Variants in SLC25A12 observed in about 807,000 individuals in gnomAD.
SLC25A12 encodes the protein electrogenic aspartate/glutamate antiporter SLC25A12, mitochondrial.
Under a neutral mutation model 83.3 loss-of-function variants are expected in SLC25A12, and 32 were observed. The ratio of observed to expected loss-of-function variants is 0.38; its 90% CI spans 0.29 to 0.52. The LOEUF (loss-of-function observed/expected upper bound fraction) is 0.52. Among genes scored for constraint, SLC25A12 ranks in the 20% least tolerant of loss-of-function variants. The probability of loss-of-function intolerance (pLI) is 0.84; values close to 1 mark genes in which losing one functional copy is unlikely to be tolerated. For missense variants in SLC25A12, 611 were observed against 835.6 expected (o/e 0.73, Z 3.31); for synonymous variants, 267 against 291.1 (o/e 0.92, Z 0.84).
chr2:171,891,740 G>A (rs1247771982), intron 2 of SLC25A12, among the ~76,000 whole-genome samples: 2 of 152,110 alleles, frequency 1.3e-5, no homozygotes, highest in Non-Finnish European at 2.9e-5. Flanking sequence ...GGTGAATACC[G>A]ATATATTTTT....
chr2:171,874,524 C>T (rs987753774), intron 2 of SLC25A12, among the ~76,000 whole-genome samples: 2 of 152,190 alleles, frequency 1.3e-5, no homozygotes, highest in African/African-American at 4.8e-5. Flanking sequence ...CACATGAAAA[C>T]ATTTCAGAGA....
intron 4 of SLC25A12, among the ~76,000 whole-genome samples, chr2:171,849,143 T>C (rs529105370): frequency 7.9e-5 from 12 of 151,672 alleles, no homozygotes; most frequent in African/African-American, 2.7e-4. Context: ...TGAGCCGAGA[T>C]CACACCACTG....
intron 4 of SLC25A12, among the ~76,000 whole-genome samples, chr2:171,851,104 A>G (rs550973307): frequency 1.3e-5 from 2 of 152,174 alleles, no homozygotes; most frequent in African/African-American, 4.8e-5. Flanking sequence ...TTGGAACACA[A>G]TGTTGATGTT....
At chr2:171,858,694 T>C (rs369257935) in intron 3 of SLC25A12, among the ~76,000 whole-genome samples, 5 of 152,320 alleles carry the variant, frequency 3.3e-5, no homozygotes, top group African/African-American at 1.2e-4. Context: ...TCTGGTTTAT[T>C]TTGATAAACT....
intron 6 of SLC25A12, among the ~76,000 whole-genome samples, chr2:171,835,431 C>G (rs1181445717): frequency 1.3e-5 from 2 of 152,050 alleles, no homozygotes; most frequent in South Asian, 2.1e-4. Flanking sequence ...ATCAAAAACT[C>G]CAAAAAATGT....
chr2:171,884,011 C>T (rs951450450), intron 2 of SLC25A12, among the ~76,000 whole-genome samples: 2 of 151,848 alleles, frequency 1.3e-5, no homozygotes, highest in African/African-American at 4.8e-5. Flanking sequence ...CAAGCACAGG[C>T]CACCATGCCT....
chr2:171,798,587 T>C (rs6758704), intron 13 of SLC25A12, among the ~76,000 whole-genome samples: 43,771 of 152,024 alleles, frequency 0.29, 6,582 homozygotes, highest in African/African-American at 0.37. Context: ...AATAACCAGA[T>C]AAACAGTAAA....
chr2:171,892,982 T>C (rs554210931), intron 2 of SLC25A12, among the ~76,000 whole-genome samples: 2 of 148,486 alleles, frequency 1.3e-5, no homozygotes, highest in East Asian at 3.9e-4. Context: ...TTAAGTCATG[T>C]AAAAAAAAAA....
intron 4 of SLC25A12, among the ~76,000 whole-genome samples, chr2:171,847,902 G>C (rs1207770504): frequency 1.4e-5 from 2 of 139,820 alleles, no homozygotes; most frequent in Non-Finnish European, 3.3e-5. Context: ...TGATTTGTCA[G>C]GAGAGCAGGT....
chr2:171,827,496 A>C (rs3821095), intron 8 of SLC25A12, among the ~76,000 whole-genome samples: 7 of 151,800 alleles, frequency 4.6e-5, no homozygotes, highest in Admixed American at 2.6e-4. Context: ...TCAGCCTCCA[A>C]TTGATCACGG....
chr2:171,831,830 C>T (rs751499467), intron 8 of SLC25A12, among the ~76,000 whole-genome samples: 4 of 150,816 alleles, frequency 2.7e-5, no homozygotes, highest in African/African-American at 4.9e-5. Flanking sequence ...ACCCAGGAGG[C>T]GGAGGTTGCA....
intron 8 of SLC25A12, among the ~76,000 whole-genome samples, chr2:171,832,624 A>C (rs1684466680): frequency 6.6e-6 from 1 of 152,176 alleles, no homozygotes; most frequent in Non-Finnish European, 1.5e-5. Context: ...CATCCAACTC[A>C]TACCCCTTTT....
At chr2:171,829,227 T>G (rs944250466) in intron 8 of SLC25A12, among the ~76,000 whole-genome samples, 2 of 152,114 alleles carry the variant, frequency 1.3e-5, no homozygotes, top group Non-Finnish European at 2.9e-5. Context: ...TCAATGGAAG[T>G]CTTAATTACA....
At chr2:171,828,191 ACT>A (rs1684352103) in intron 8 of SLC25A12, among the ~76,000 whole-genome samples, 1 of 152,136 alleles carries the variant, frequency 6.6e-6, no homozygotes, top group Admixed American at 6.5e-5. Flanking sequence ...AGCCAGAGCC[ACT>A]CTCTGGTGTT....
rs372453718 is a variant in SLC25A12, at chr2:171,815,176, G to T, written c.957C>A (p.Ile319=). The T allele has an allele frequency of 3.5e-5, 57 of 1,613,822 alleles. No individual in the cohort carries two copies. The East Asian group carries it at 9.4e-4, about 26-fold the overall frequency. ...RQQSPGLGRP[I]WLQIAESAYR... ...AAGCAGACTCGGCAATCTGGAGCCAGATAGGCCTGCCTAACCCAGGAGACT... is the reference window on the plus strand; with the variant it reads ...AAGCAGACTCGGCAATCTGGAGCCATATAGGCCTGCCTAACCCAGGAGACT... The change falls in exon 10 of 18, where the codon ATC becomes ATA. Residue 319 remains isoleucine, a synonymous_variant. Coordinates refer to ENST00000422440, the MANE Select transcript of SLC25A12 (RefSeq NM_003705.5).
At chr2:171,817,062 T>C (rs981429035) in intron 9 of SLC25A12, among the ~76,000 whole-genome samples, 3 of 152,104 alleles carry the variant, frequency 2.0e-5, no homozygotes, top group African/African-American at 7.2e-5. Flanking sequence ...ATAACAAGGA[T>C]ATAACAAGCA....
At chr2:171,869,835 TA>T (rs2105918693) in intron 2 of SLC25A12, among the ~76,000 whole-genome samples, 1 of 152,312 alleles carries the variant, frequency 6.6e-6, no homozygotes, top group Non-Finnish European at 1.5e-5. Context: ...ACATCTACAC[TA>T]GGGCCTGGCC....
chr2:171,890,206 G>C (rs1685902028), intron 2 of SLC25A12, among the ~76,000 whole-genome samples: 1 of 152,160 alleles, frequency 6.6e-6, no homozygotes, highest in Non-Finnish European at 1.5e-5. Context: ...AAAGTGCATG[G>C]TACACAGCAA....
At chr2:171,802,865 A>G (rs561340367) in intron 13 of SLC25A12, among the ~76,000 whole-genome samples, 1 of 152,328 alleles carries the variant, frequency 6.6e-6, no homozygotes, top group East Asian at 1.9e-4. Context: ...CTAAAATAAG[A>G]CATTCCACTG....
Sources: gnomAD v4.1 joint callset for allele counts (sites outside exome capture counted in the v4.1 genomes callset) on GRCh38, gnomAD v4.1.1 for gene constraint, MANE v1.5 for transcripts, NCBI Gene and HGNC (gene_info 2026-07-23, HGNC 2026-07-21) for gene names.